COL5A1: variants seen among roughly 807,000 people sequenced by gnomAD.
The protein encoded by COL5A1 is collagen alpha-1(V) chain.
In COL5A1, 16 loss-of-function variants were observed where a neutral mutation model predicts 263.7. That is an observed-to-expected ratio of 0.06 (90% CI 0.04 to 0.09). COL5A1 has a LOEUF of 0.09. Among genes scored for constraint, COL5A1 ranks in the 10% least tolerant of loss-of-function variants. The pLI is 1.00. For missense variants in COL5A1, 2,036 were observed against 2,540.5 expected, an observed-to-expected ratio of 0.80 and a Z score of 4.27; for synonymous variants, 1,012 against 1,004.5, an observed-to-expected ratio of 1.01 and a Z score of -0.14.
At chr9:134,829,255 G>A (rs983216204) in intron 63 of COL5A1, among the ~76,000 whole-genome samples, 40 of 152,168 alleles carry the variant, frequency 2.6e-4, no homozygotes, top group African/African-American at 9.2e-4. Flanking sequence ...AGCAGGGGCT[G>A]GAGGGCTGGG....
chr9:134,773,915 A>G lies in COL5A1; in HGVS notation c.2332-944A>G, dbSNP rs1836958429. 2.0e-5 allele frequency among the ~76,000 whole-genome samples: 3 copies of G among 152,252 alleles called. No individual in the cohort carries two copies. In the South Asian group the frequency reaches 6.2e-4, roughly 32 times the overall value. On this transcript the variant is annotated intron_variant, in intron 26 of 65. Transcript: ENST00000371817. ...CCTCGGCCCTTGGCTTCCGTTCACC[A>G]TGGGAGACCCAGTTCCCGCTGCCTC...
chr9:134,709,173 C>A (rs943950097), intron 4 of COL5A1: 5 of 352,486 alleles, frequency 1.4e-5, no homozygotes, highest in Non-Finnish European at 2.3e-5. Flanking sequence ...CTTCCCTACA[C>A]CAGCGTGGAA....
rs576688641 is a variant in COL5A1 at position 134,761,083 on chromosome 9, G to A, written c.1936-842G>A. On this transcript the variant is annotated intron_variant, in intron 18 of 65. Transcript: ENST00000371817. The stretch of plus-strand genomic sequence containing the variant: ...CACCCACATGCACACACATGCACAC[G>A]TGCACACACCCCACACATGCACACA... 2.1e-4 allele frequency among the ~76,000 whole-genome samples: 26 copies of A among 124,934 alleles called. No individual in the cohort carries two copies. The South Asian group carries it at 3.3e-3, about 16-fold the overall frequency. The allele number at this position is 124,934 out of a possible 152,430, so 82.0% of individuals were successfully genotyped here.
chr9:134,831,090 G>T (rs1344674700), intron 64 of COL5A1, among the ~76,000 whole-genome samples: 1 of 152,222 alleles, frequency 6.6e-6, no homozygotes, highest in African/African-American at 2.4e-5. Context: ...AAGGCAGCCC[G>T]TGGGTTCTGC....
At position 134,831,547 on chromosome 9, in the gene COL5A1, A is replaced by G. The variant is rs910702944; in HGVS notation, c.5136+1503A>G. On this transcript the variant is annotated intron_variant, in intron 64 of 65. Coordinates refer to ENST00000371817, the MANE Select transcript of COL5A1 (RefSeq NM_000093.5). Reference sequence around the variant, plus strand: ...GGCCCGGAGGGACAGAGCGTAGGGGATGCTGATGTGTGGGATCAGGCAAGG... The same window carrying G: ...GGCCCGGAGGGACAGAGCGTAGGGGGTGCTGATGTGTGGGATCAGGCAAGG... 4.6e-5 allele frequency among the ~76,000 whole-genome samples: 7 copies of G among 152,142 alleles called. No homozygotes were observed. The East Asian group carries it at 1.4e-3, about 29-fold the overall frequency.
intron 38 of COL5A1, among the ~76,000 whole-genome samples, chr9:134,802,523 T>A (rs3827851): frequency 3.3e-5 from 5 of 152,078 alleles, no homozygotes; most frequent in South Asian, 2.1e-4. Flanking sequence ...GCCACAGAAC[T>A]GAAGGGCATG....
chr9:134,727,562 A>T (rs1404472221), intron 5 of COL5A1, among the ~76,000 whole-genome samples, 165 bp downstream of exon 5: 1 of 152,184 alleles, frequency 6.6e-6, no homozygotes, highest in Non-Finnish European at 1.5e-5. Flanking sequence ...CACTTTACTA[A>T]ATAGCACTGC....
rs148120554 is a variant in COL5A1 at position 134,751,618 on chromosome 9, C to T, written c.1662+736C>T. Among the ~76,000 whole-genome samples, 410 of 113,700 alleles carry T rather than the reference C, an allele frequency of 3.6e-3. 6 individuals are homozygous for T. Among genetic ancestry groups the T allele is most frequent in the African/African-American group, 0.013 (382 of 29,422 alleles). The allele number at this position is 113,700 out of a possible 152,430, so 74.6% of individuals were successfully genotyped here. A position where few individuals can be genotyped will look rare whatever the true frequency, so the allele number is the denominator to read the frequency against. On this transcript the variant is annotated intron_variant, in intron 13 of 65. Coordinates refer to ENST00000371817, the MANE Select transcript of COL5A1 (RefSeq NM_000093.5). Reference sequence around the variant, plus strand: ...CCTGTGTTTTCTGTAGACTTGGCTCCGGATTGCTGATTGCCCACGATAGGT... The same window carrying T: ...CCTGTGTTTTCTGTAGACTTGGCTCTGGATTGCTGATTGCCCACGATAGGT...
At chr9:134,812,528 C>T in intron 47 of COL5A1, 26 bp downstream of exon 47, 2 of 1,613,540 alleles carry the variant, frequency 1.2e-6, no homozygotes, top group Non-Finnish European at 1.7e-6. Context: ...ACTCCAAGGC[C>T]TTGCCGTACT....
chr9:134,761,883 A>G lies in COL5A1; in HGVS notation c.1936-42A>G, dbSNP rs561054935. The G allele has an allele frequency of 1.9e-6, 3 of 1,604,108 alleles. No homozygotes were observed. In the South Asian group the frequency reaches 3.3e-5, roughly 18 times the overall value. ...TGGGACCTTGGACAAGCCCTGCATGACCTGCTCAGGAGAGGCTGACGTTGA... is the reference window on the plus strand; with the variant it reads ...TGGGACCTTGGACAAGCCCTGCATGGCCTGCTCAGGAGAGGCTGACGTTGA... On this transcript the variant is annotated intron_variant, in intron 18 of 65. Transcript: ENST00000371817.
Position 134,799,823 on chromosome 9 carries a change from A to G in COL5A1, c.2952+1362A>G, listed in dbSNP as rs571339832. Among the ~76,000 whole-genome samples, 3 of 152,320 alleles carry G rather than the reference A, an allele frequency of 2.0e-5. No individual in the cohort carries two copies. In the East Asian group the frequency reaches 5.8e-4, roughly 29 times the overall value. On this transcript the variant is annotated intron_variant, in intron 37 of 65. Transcript: ENST00000371817. ...TTTTCTCTAATGCCTTTTCAAGGAG[A>G]CAAGATAGAAGGTTTTACATATTAT...
intron 1 of COL5A1, among the ~76,000 whole-genome samples, chr9:134,655,739 A>G (rs1261137590): frequency 1.3e-5 from 2 of 152,118 alleles, no homozygotes; most frequent in Admixed American, 1.3e-4. Flanking sequence ...GGAATGTGTG[A>G]CCAGGCTGGA....
chr9:134,711,877 C>G (rs905226145), intron 4 of COL5A1, among the ~76,000 whole-genome samples: 2 of 152,054 alleles, frequency 1.3e-5, no homozygotes, highest in Admixed American at 1.3e-4. Context: ...CTGCCTGGCC[C>G]TCCCCGCAAG....
At chr9:134,762,901 G>A (rs950356144) in intron 19 of COL5A1, among the ~76,000 whole-genome samples, 20 of 152,144 alleles carry the variant, frequency 1.3e-4, no homozygotes, top group African/African-American at 4.3e-4. Flanking sequence ...GCGTGCATAT[G>A]TGTGGCTGTG....
chr9:134,781,810 G>A (rs1837267107), intron 28 of COL5A1, among the ~76,000 whole-genome samples: 1 of 152,214 alleles, frequency 6.6e-6, no homozygotes. Context: ...CCGGGAGCTG[G>A]CGCTGGCTGG....
chr9:134,830,365 G>A, intron 64 of COL5A1: 1 of 634,388 alleles, frequency 1.6e-6, no homozygotes, highest in Non-Finnish European at 2.7e-6. Context: ...CCTGACAAGA[G>A]TGTGTTTCTG....
At chr9:134,790,605 C>CCATCCAT (rs1837655055) in intron 32 of COL5A1, among the ~76,000 whole-genome samples, 11 of 84,498 alleles carry the variant, frequency 1.3e-4, no homozygotes, top group Non-Finnish European at 2.2e-4. Context: ...CATCCACCCA[C>CCATCCAT]CCATCCATCC....
rs552922141 is a variant in COL5A1, at chr9:134,669,857, G to A, written c.110-21055G>A. ...AACTCCATGGTGGGAACTGAGAACTGGGAATTTAAAGTCCACATGTTCCTG... is the reference window on the plus strand; with the variant it reads ...AACTCCATGGTGGGAACTGAGAACTAGGAATTTAAAGTCCACATGTTCCTG... On this transcript the variant is annotated intron_variant, in intron 1 of 65. Transcript: ENST00000371817. Among the ~76,000 whole-genome samples, 4 of 152,268 alleles carry A rather than the reference G, an allele frequency of 2.6e-5. No homozygotes were observed. In the East Asian group the frequency reaches 7.7e-4, roughly 29 times the overall value.
intron 27 of COL5A1, 82 bp from the exon 28 acceptor site, chr9:134,780,020 C>A: frequency 6.6e-7 from 1 of 1,508,718 alleles, no homozygotes; most frequent in Non-Finnish European, 9.2e-7. Flanking sequence ...GCGAGCTCAG[C>A]CTGTCTTGAC....
Sources: gnomAD v4.1 joint callset for allele counts (sites outside exome capture counted in the v4.1 genomes callset) on GRCh38, gnomAD v4.1.1 for gene constraint, MANE v1.5 for transcripts, NCBI Gene and HGNC (gene_info 2026-07-23, HGNC 2026-07-21) for gene names.